MEF2C: variants seen among roughly 807,000 people sequenced by gnomAD.
MEF2C encodes the protein myocyte-specific enhancer factor 2C.
In MEF2C, 6 loss-of-function variants were observed where a neutral mutation model predicts 50.5. The observed-to-expected ratio is 0.12, with a 90% CI of 0.07 to 0.23. The LOEUF (loss-of-function observed/expected upper bound fraction) is 0.23. Among genes scored for constraint, MEF2C ranks in the 10% least tolerant of loss-of-function variants. MEF2C has a pLI of 1.00. For missense variants in MEF2C, 276 were observed against 605.0 expected (o/e 0.46, Z 5.70); for synonymous variants, 183 against 228.0 (o/e 0.80, Z 1.78).
At chr5:88,778,572 G>A (rs1271863206) in intron 3 of MEF2C, among the ~76,000 whole-genome samples, 1 of 152,056 alleles carries the variant, frequency 6.6e-6, no homozygotes, top group Non-Finnish European at 1.5e-5. Context: ...GGCAAAGCGA[G>A]GGATCATCGA....
At chr5:88,738,802 G>A (rs898017132) in intron 6 of MEF2C, 2 of 985,166 alleles carry the variant, frequency 2.0e-6, no homozygotes, top group African/African-American at 3.5e-5. Context: ...TAGTAGTTCT[G>A]GTTCAGAAGA....
At chr5:88,854,267 G>A (rs1487659698) in intron 1 of MEF2C, among the ~76,000 whole-genome samples, 1 of 152,124 alleles carries the variant, frequency 6.6e-6, no homozygotes, top group Non-Finnish European at 1.5e-5. Context: ...ACATCCTTCA[G>A]CCAGTCAGGT....
intron 1 of MEF2C, among the ~76,000 whole-genome samples, chr5:88,833,651 GAA>G (rs1316560238): frequency 1.3e-5 from 2 of 152,100 alleles, no homozygotes; most frequent in Non-Finnish European, 2.9e-5. Flanking sequence ...ACATATGTTA[GAA>G]AAAGGCTTCA....
intron 6 of MEF2C, chr5:88,738,874 C>T (rs1399319180): frequency 1.0e-6 from 1 of 985,284 alleles, no homozygotes; most frequent in African/African-American, 1.7e-5. Context: ...TGGTCTCTTT[C>T]TGGATAAATA....
chr5:88,826,604 C>T (rs2153225460), intron 1 of MEF2C, among the ~76,000 whole-genome samples: 1 of 152,068 alleles, frequency 6.6e-6, no homozygotes, highest in African/African-American at 2.4e-5. Context: ...TTTCTCTAAC[C>T]TAATTTTTAT....
At chr5:88,902,884 G>A (rs1045556002) in intron 1 of MEF2C, among the ~76,000 whole-genome samples, 1 of 150,786 alleles carries the variant, frequency 6.6e-6, no homozygotes, top group Admixed American at 6.6e-5. Flanking sequence ...AGCCCATGTT[G>A]CTTGTGAATA....
At chr5:88,755,238 T>C (rs1176177865) in intron 4 of MEF2C, among the ~76,000 whole-genome samples, 1 of 152,212 alleles carries the variant, frequency 6.6e-6, no homozygotes, top group Non-Finnish European at 1.5e-5. Context: ...CTATTTACTG[T>C]ATATTACTTA....
At chr5:88,765,140 T>A (rs939502262) in intron 3 of MEF2C, among the ~76,000 whole-genome samples, 4 of 152,210 alleles carry the variant, frequency 2.6e-5, no homozygotes, top group African/African-American at 9.6e-5. Context: ...TGCATTATCT[T>A]GCTATGAATA....
intron 3 of MEF2C, among the ~76,000 whole-genome samples, chr5:88,764,807 C>CCAA (rs1779308193): frequency 1.4e-5 from 1 of 73,850 alleles, no homozygotes; most frequent in African/African-American, 6.1e-5. Flanking sequence ...GACTCCATCT[C>CCAA]AAAAAAAAAA....
chr5:88,777,604 AACACTT>A (rs1177147389), intron 3 of MEF2C, among the ~76,000 whole-genome samples: 1 of 152,352 alleles, frequency 6.6e-6, no homozygotes, highest in African/African-American at 2.4e-5. Flanking sequence ...GTATCCTTTG[AACACTT>A]ACTCTCAGCT....
chr5:88,870,268 T>C (rs1418442776), intron 1 of MEF2C, among the ~76,000 whole-genome samples: 1 of 152,056 alleles, frequency 6.6e-6, no homozygotes. Flanking sequence ...TGGTCAAAAA[T>C]ATGTTTGGAA....
chr5:88,884,846 G>A (rs1419977161), upstream of MEF2C, among the ~76,000 whole-genome samples: 2 of 149,918 alleles, frequency 1.3e-5, no homozygotes, highest in African/African-American at 4.9e-5. Flanking sequence ...TAGAGATTGG[G>A]CACCTCCCGC....
chr5:88,828,032 A>G (rs1811623663), intron 1 of MEF2C, among the ~76,000 whole-genome samples: 1 of 151,976 alleles, frequency 6.6e-6, no homozygotes, highest in South Asian at 2.1e-4. Flanking sequence ...CTCTGCATCT[A>G]TAGTGAAACT....
intron 10 of MEF2C, among the ~76,000 whole-genome samples, chr5:88,725,597 A>T (rs888403853): frequency 2.0e-5 from 3 of 152,094 alleles, no homozygotes; most frequent in Non-Finnish European, 4.4e-5. Flanking sequence ...TAGAAGCCAG[A>T]TATGCAAGTT....
At chr5:88,766,799 A>G (rs1780250015) in intron 3 of MEF2C, 1 of 985,440 alleles carries the variant, frequency 1.0e-6, no homozygotes, top group Non-Finnish European at 1.2e-6. Context: ...AATTATTACT[A>G]TTAGTTGCAT....
chr5:88,795,562 A>C (rs1795682303), intron 3 of MEF2C, among the ~76,000 whole-genome samples: 1 of 152,118 alleles, frequency 6.6e-6, no homozygotes, highest in African/African-American at 2.4e-5. Context: ...GGGTTTTCTA[A>C]ATATGCAATC....
At chr5:88,896,858 TTTCC>T (rs768508140) in intron 1 of MEF2C, among the ~76,000 whole-genome samples, 13 of 152,136 alleles carry the variant, frequency 8.5e-5, no homozygotes, top group Non-Finnish European at 1.8e-4. Context: ...TCATTCATTC[TTTCC>T]TTCCTTCCTT....
intron 1 of MEF2C, among the ~76,000 whole-genome samples, chr5:88,898,463 G>A (rs1835330494): frequency 6.6e-6 from 1 of 152,134 alleles, no homozygotes; most frequent in South Asian, 2.1e-4. Context: ...TCATCCTTCA[G>A]TGACTGCCAC....
At chr5:88,772,813 A>T in intron 3 of MEF2C, 2 of 985,398 alleles carry the variant, frequency 2.0e-6, no homozygotes, top group South Asian at 9.4e-5. Flanking sequence ...TTCTATAGTG[A>T]TCTGACAGCA....
Sources: allele counts gnomAD v4.1 joint callset (sites outside exome capture counted in the v4.1 genomes callset), GRCh38; gene constraint gnomAD v4.1.1; transcripts MANE v1.5; gene names NCBI Gene and HGNC (gene_info 2026-07-23, HGNC 2026-07-21).